Variants in FAM167A observed in about 807,000 individuals in gnomAD.
FAM167A encodes the protein protein FAM167A.
Under a neutral mutation model 14.9 loss-of-function variants are expected in FAM167A, and 23 were observed. That is an observed-to-expected ratio of 1.55 (90% confidence interval 1.11 to 2.19). FAM167A has a LOEUF of 2.19. Ranked by LOEUF, FAM167A falls within the 30% of genes most tolerant of loss-of-function variation. FAM167A has a pLI of 0.00. For synonymous variants in FAM167A, 174 were observed against 117.7 expected, an observed-to-expected ratio of 1.48 and a Z score of -3.10; for missense variants, 401 against 281.5, an observed-to-expected ratio of 1.42 and a Z score of -3.04.
intron 2 of FAM167A, among the ~76,000 whole-genome samples, chr8:11,439,273 T>TG (rs1806272712): frequency 6.6e-6 from 1 of 152,232 alleles, no homozygotes; most frequent in South Asian, 2.1e-4. Flanking sequence ...GTTCCCTAGA[T>TG]GGGGGGTATC....
chr8:11,444,997 T>G, intron 1 of FAM167A, 189 bp from the exon 2 acceptor site: 1 of 664,018 alleles, frequency 1.5e-6, no homozygotes. Flanking sequence ...TAATGAGCAA[T>G]TGAAAAATTG....
chr8:11,443,144 G>T (rs1806537311), intron 2 of FAM167A, among the ~76,000 whole-genome samples: 1 of 152,190 alleles, frequency 6.6e-6, no homozygotes, highest in Admixed American at 6.5e-5. Context: ...GTGGGGCAGG[G>T]GTTGAGAGCT....
At chr8:11,475,251 G>C (rs1470940193) in intron 1 of FAM167A, among the ~76,000 whole-genome samples, 2 of 152,158 alleles carry the variant, frequency 1.3e-5, no homozygotes, top group African/African-American at 4.8e-5. Context: ...CCTGGCCTCA[G>C]TTTTCCTACT....
chr8:11,472,334 T>C (rs1219492459), upstream of FAM167A, among the ~76,000 whole-genome samples: 4 of 152,158 alleles, frequency 2.6e-5, no homozygotes, highest in African/African-American at 9.7e-5. Flanking sequence ...TAGAATATGC[T>C]GTGGAATGCC....
In FAM167A at chr8:11,460,738, G is replaced by A. The variant is rs532533850; in HGVS notation, c.-398+5888C>T. Among the ~76,000 whole-genome samples, 65 of 152,206 alleles carry A rather than the reference G, an allele frequency of 4.3e-4. No homozygotes were observed. The East Asian group carries it at 0.011, about 25-fold the overall frequency. On this transcript the variant is annotated intron_variant, in intron 1 of 2. Coordinates refer to ENST00000284486, the MANE Select transcript of FAM167A (RefSeq NM_053279.3). ...CAGAGAACTGCACACCAGAGCCATC[G>A]AAAGAACTGCCCCAGGTCCCACAGC... is the stretch of plus-strand genomic sequence containing the variant.
At chr8:11,472,050 C>A (rs533381049), upstream of FAM167A, among the ~76,000 whole-genome samples, 1 of 152,332 alleles carries the variant, frequency 6.6e-6, no homozygotes, top group East Asian at 1.9e-4. Flanking sequence ...AAGAACGAAA[C>A]CTATTTTCCA....
chr8:11,437,897 T>G lies in FAM167A; in HGVS notation c.381+6134A>C, dbSNP rs955856859. 56 of 195,402 alleles carry G rather than the reference T, an allele frequency of 2.9e-4. 1 individual carries two copies. The highest frequency in any genetic ancestry group is 1.1e-3 in the African/African-American group (47 of 42,174). The allele number at this position is 195,402 out of a possible 1,614,324, so 12.1% of individuals were successfully genotyped here. A position where few individuals can be genotyped will look rare whatever the true frequency, so the allele number is the denominator to read the frequency against. ...AGTGAGGAATTTGCGTATTTCCCTT[T>G]GGTTAATTTCATCATCCACCATCAT... On this transcript the variant is annotated intron_variant, in intron 2 of 2. Transcript: ENST00000284486.
At position 11,424,654 on chromosome 8, in the gene FAM167A, C is replaced by G. The variant is rs760000055; in HGVS notation, c.382-18G>C. ...ATCTCCGTCTGGAAGGGAGGGGGAG[C>G]AGGCAGGGTCAGCAGAGAGTGGCTC... On this transcript the variant is annotated intron_variant, in intron 2 of 2. Transcript: ENST00000284486. 6.2e-7 allele frequency: 1 copy of G among 1,611,674 alleles called. No individual in the cohort carries two copies. The highest frequency in any genetic ancestry group is 1.1e-5 in the South Asian group (1 of 90,980).
At chr8:11,438,558 T>TTA in intron 2 of FAM167A, 1 of 453,208 alleles carries the variant, frequency 2.2e-6, no homozygotes, top group Non-Finnish European at 4.4e-6. Flanking sequence ...TTCCCCTTGA[T>TTA]TATACATGAT....
intron 1 of FAM167A, among the ~76,000 whole-genome samples, chr8:11,465,304 G>T (rs117575021): frequency 3.3e-5 from 5 of 152,054 alleles, no homozygotes; most frequent in South Asian, 2.1e-4. Context: ...AGCAGCCTTC[G>T]TCTGAGAGCA....
At chr8:11,469,451 G>A (rs113780687), upstream of FAM167A, among the ~76,000 whole-genome samples, 1 of 151,338 alleles carries the variant, frequency 6.6e-6, no homozygotes, top group African/African-American at 2.4e-5. Flanking sequence ...GAGAAGGCAA[G>A]GCCACCTAGA....
At position 11,422,126 on chromosome 8, in the gene FAM167A, A is replaced by C. The variant is rs149024075; in HGVS notation, c.*2247T>G. The C allele has an allele frequency of 9.5e-5, 27 of 284,506 alleles. No individual in the cohort carries two copies. Among genetic ancestry groups the C allele is most frequent in the Admixed American group, 3.1e-4 (6 of 19,070 alleles). The allele number at this position is 284,506 out of a possible 1,614,324, so 17.6% of individuals were successfully genotyped here. A position where few individuals can be genotyped will look rare whatever the true frequency, so the allele number is the denominator to read the frequency against. ...CTTAGTTTCCACCCAGAGAATGAAG[A>C]AAGCAAGCAAGCACTGGGTTACCCA... On this transcript the variant is annotated 3_prime_UTR_variant, in exon 3 of 3. Coordinates refer to ENST00000284486, the MANE Select transcript of FAM167A (RefSeq NM_053279.3).
In FAM167A at chr8:11,425,243, A is replaced by G. The variant is rs140975770; in HGVS notation, c.382-607T>C. 6.6e-3 allele frequency among the ~76,000 whole-genome samples: 1,000 copies of G among 152,338 alleles called. 17 individuals carry two copies. The highest frequency in any genetic ancestry group is 0.02 in the African/African-American group (847 of 41,568). The stretch of plus-strand genomic sequence containing the variant: ...AGGCCTTTGGGTCTATTAACATGCA[A>G]CAGTTAACCGTCACTACAACCTGTG... On this transcript the variant is annotated intron_variant, in intron 2 of 2. Transcript: ENST00000284486.
chr8:11,444,118 G>A lies in FAM167A; in HGVS notation c.294C>T (p.Ala98=), dbSNP rs757541963. ...AGQHPPSARS[A]SQGARPLSTG... is the part of the protein sequence containing the mutation. ...TGGACAGGGGTCTGGCACCTTGGCT[G>A]GCACTCCTGGCAGAAGGGGGGTGCT... Residue 98 remains alanine, a synonymous_variant, in exon 2 of 3, where the codon GCC becomes GCT. Transcript: ENST00000284486. 3.7e-6 allele frequency: 6 copies of A among 1,613,242 alleles called. No homozygotes were observed. Among genetic ancestry groups the A allele is most frequent in the Non-Finnish European group, 5.1e-6 (6 of 1,180,012 alleles).
chr8:11,453,391 A>G (rs951464993), intron 1 of FAM167A, among the ~76,000 whole-genome samples: 1 of 152,208 alleles, frequency 6.6e-6, no homozygotes, highest in African/African-American at 2.4e-5. Flanking sequence ...GAAGCACTCA[A>G]TATGTGCCAG....
chr8:11,463,899 C>G (rs1807641892), intron 1 of FAM167A, among the ~76,000 whole-genome samples: 1 of 151,846 alleles, frequency 6.6e-6, no homozygotes, highest in Non-Finnish European at 1.5e-5. Context: ...AGCAAAGCCA[C>G]CCCCCACTAT....
intron 1 of FAM167A, among the ~76,000 whole-genome samples, chr8:11,473,906 T>C (rs1274078612): frequency 1.3e-5 from 2 of 152,138 alleles, no homozygotes; most frequent in Non-Finnish European, 2.9e-5. Context: ...AGAGTCTCAC[T>C]CTGTCACCCA....
At chr8:11,456,586 TGA>T (rs1194643435) in intron 1 of FAM167A, among the ~76,000 whole-genome samples, 2 of 139,898 alleles carry the variant, frequency 1.4e-5, no homozygotes, top group African/African-American at 2.7e-5. Context: ...TGGATGAGTG[TGA>T]GAGTGTGGGT....
upstream of FAM167A, among the ~76,000 whole-genome samples, chr8:11,470,729 G>A (rs1469226706): frequency 1.3e-5 from 2 of 152,124 alleles, no homozygotes; most frequent in Non-Finnish European, 2.9e-5. Flanking sequence ...TAAGGGTGGC[G>A]ACATCCCTGC....
Sources: allele counts gnomAD v4.1 joint callset (sites outside exome capture counted in the v4.1 genomes callset), GRCh38; gene constraint gnomAD v4.1.1; transcripts MANE v1.5; gene names NCBI Gene and HGNC (gene_info 2026-07-23, HGNC 2026-07-21).